JAK1: variants seen among roughly 807,000 people sequenced by gnomAD.
JAK1 encodes Janus kinase 1.
Under a neutral mutation model 136.6 loss-of-function variants are expected in JAK1, and 16 were observed. The ratio of observed to expected loss-of-function variants is 0.12; its 90% CI spans 0.08 to 0.18. The LOEUF (loss-of-function observed/expected upper bound fraction) is 0.18. Ranked by LOEUF, JAK1 falls within the 10% of genes least tolerant of loss-of-function variation. The pLI is 1.00. For synonymous variants in JAK1, 492 were observed against 519.5 expected, an observed-to-expected ratio of 0.95 and a Z score of 0.72; for missense variants, 859 against 1,450.1, an observed-to-expected ratio of 0.59 and a Z score of 6.62.
upstream of JAK1, among the ~76,000 whole-genome samples, chr1:64,969,420 C>T (rs1646430550): frequency 6.6e-6 from 1 of 151,112 alleles, no homozygotes; most frequent in Non-Finnish European, 1.5e-5. Flanking sequence ...CGCAACTCCC[C>T]ACCCTCCTCC....
At chr1:65,004,767 C>T (rs568369290) in intron 2 of JAK1, among the ~76,000 whole-genome samples, 2 of 152,312 alleles carry the variant, frequency 1.3e-5, no homozygotes, top group Non-Finnish European at 2.9e-5. Context: ...AGTACAACTT[C>T]TTATCCAGGA....
chr1:65,004,761 C>T lies in JAK1; in HGVS notation c.-78+39719G>A, dbSNP rs148810603. Among the ~76,000 whole-genome samples, 387 of 152,322 alleles carry T rather than the reference C, an allele frequency of 2.5e-3. 4 individuals are homozygous for T. The highest frequency in any genetic ancestry group is 4.1e-3 in the Admixed American group (62 of 15,302). ...TGGTTATAATAATATAATCCAAGTA[C>T]AACTTCTTATCCAGGAAGAAGCTGG... On this transcript the variant is annotated intron_variant, in intron 2 of 25. Transcript: ENST00000671954.
In JAK1 at chr1:64,839,756, C is replaced by T. The variant is rs1654769285; in HGVS notation, c.2689G>A (p.Glu897Lys). The stretch of plus-strand genomic sequence containing the variant: ...ACCTGCTCCCCTGTATTGTCCCCTT[C>T]GGGGTCATACCTGCAGAGCTCAACC... Reference protein sequence around the residue: ...GKVELCRYDPEGDNTGEQVAV... With the variant: ...GKVELCRYDPKGDNTGEQVAV... Residue 897 changes from glutamate to lysine, a missense_variant, in exon 20 of 25, where the codon GAA becomes AAA. This residue lies in a region of JAK1 where 409 missense variants were observed against 753.8 expected (regional missense o/e 0.54). Coordinates refer to ENST00000342505, the MANE Select transcript of JAK1 (RefSeq NM_002227.4). 4 of 1,613,916 alleles carry T rather than the reference C, an allele frequency of 2.5e-6. No individual in the cohort carries two copies. The highest frequency in any genetic ancestry group is 3.4e-6 in the Non-Finnish European group (4 of 1,179,874).
At chr1:64,951,063 GAACCAA>G (rs1646077759) in intron 1 of JAK1, among the ~76,000 whole-genome samples, 1 of 152,152 alleles carries the variant, frequency 6.6e-6, no homozygotes, top group South Asian at 2.1e-4. Context: ...TATAAACTCA[GAACCAA>G]ATATTCAGGT....
intron 2 of JAK1, among the ~76,000 whole-genome samples, chr1:65,038,662 A>T (rs1569926000): frequency 6.6e-6 from 1 of 151,342 alleles, no homozygotes; most frequent in Non-Finnish European, 1.5e-5. Context: ...GTTTTGAGAC[A>T]AGGTCTCACT....
chr1:64,837,817 C>A, intron 22 of JAK1, 115 bp downstream of exon 22: 1 of 820,976 alleles, frequency 1.2e-6, no homozygotes, highest in Non-Finnish European at 1.9e-6. Context: ...TAAACCTTCT[C>A]TAACCTTGAG....
At chr1:65,024,782 G>C (rs1239831217) in intron 2 of JAK1, among the ~76,000 whole-genome samples, 2 of 151,816 alleles carry the variant, frequency 1.3e-5, no homozygotes, top group African/African-American at 2.4e-5. Context: ...TTTGAGACCA[G>C]CCTGGCCAAC....
chr1:64,872,719 T>C, intron 5 of JAK1, among the ~76,000 whole-genome samples: 1 of 152,200 alleles, frequency 6.6e-6, no homozygotes, highest in East Asian at 1.9e-4. Flanking sequence ...CGAAGATCAA[T>C]ATTTTAATTG....
At chr1:64,953,761 G>A (rs1262076370) in intron 1 of JAK1, among the ~76,000 whole-genome samples, 1 of 152,130 alleles carries the variant, frequency 6.6e-6, no homozygotes, top group Non-Finnish European at 1.5e-5. Context: ...CCAGGTTCAT[G>A]CAATTCTCCC....
At chr1:65,060,035 C>T (rs1407537475) in intron 1 of JAK1, among the ~76,000 whole-genome samples, 1 of 151,936 alleles carries the variant, frequency 6.6e-6, no homozygotes, top group Non-Finnish European at 1.5e-5. Flanking sequence ...AACAACATTG[C>T]CTAAAATGCA....
intron 1 of JAK1, among the ~76,000 whole-genome samples, chr1:64,893,664 G>GT (rs773340452): frequency 2.6e-5 from 4 of 152,200 alleles, no homozygotes; most frequent in Non-Finnish European, 5.9e-5. Flanking sequence ...TCAGTTTTCT[G>GT]TGAGTATGCG....
intron 2 of JAK1, among the ~76,000 whole-genome samples, chr1:65,012,559 C>A (rs752112489): frequency 2.0e-5 from 3 of 152,168 alleles, no homozygotes; most frequent in Non-Finnish European, 4.4e-5. Context: ...ACTGAAGCCA[C>A]TTTTGCCCTG....
rs1396176522 is a variant in JAK1 at position 64,833,884 on chromosome 1, A to AATT, written c.*675_*677dup. 1 of 232,702 alleles carries AATT rather than the reference A, an allele frequency of 4.3e-6. No homozygotes were observed. Among genetic ancestry groups the AATT allele is most frequent in the African/African-American group, 2.2e-5 (1 of 45,322 alleles). 14.4% of individuals were successfully genotyped at this position (232,702 alleles called of 1,614,324 possible). A position where few individuals can be genotyped will look rare whatever the true frequency, so the allele number is the denominator to read the frequency against. On this transcript the variant is annotated 3_prime_UTR_variant, in exon 25 of 25. Transcript: ENST00000342505. The stretch of plus-strand genomic sequence containing the variant: ...AGTTCTTGAGAATTAACATGCAGCA[A>AATT]ATTATCTATTCCACAGCTATCCCCC...
intron 12 of JAK1, among the ~76,000 whole-genome samples, chr1:64,849,408 C>T (rs1655445945): frequency 6.6e-6 from 1 of 152,132 alleles, no homozygotes; most frequent in African/African-American, 2.4e-5. Flanking sequence ...GTTGCCCAGG[C>T]TGGTCTTGAA....
chr1:64,865,665 A>G (rs1311137738), intron 7 of JAK1, among the ~76,000 whole-genome samples: 1 of 152,242 alleles, frequency 6.6e-6, no homozygotes, highest in Non-Finnish European at 1.5e-5. Flanking sequence ...CTAACATAGT[A>G]TAATACCTAT....
intron 2 of JAK1, among the ~76,000 whole-genome samples, chr1:64,989,046 G>T (rs1319433879): frequency 2.2e-5 from 3 of 138,158 alleles, no homozygotes; most frequent in South Asian, 2.3e-4. Context: ...CAGAGATAAG[G>T]CTGGGCATGG....
At chr1:64,878,569 A>G (rs201886286) in intron 4 of JAK1, among the ~76,000 whole-genome samples, 2,218 of 30,844 alleles carry the variant, frequency 0.072, 34 homozygotes, top group South Asian at 0.18. Context: ...GTGTATATAT[A>G]TATATATATA....
intron 2 of JAK1, among the ~76,000 whole-genome samples, chr1:65,023,828 C>T (rs1646955865): frequency 6.6e-6 from 1 of 151,844 alleles, no homozygotes; most frequent in African/African-American, 2.4e-5. Flanking sequence ...AGTTTGCCTG[C>T]TCTGGGATTG....
At chr1:64,933,855 A>G (rs1645740898) in intron 1 of JAK1, among the ~76,000 whole-genome samples, 1 of 152,216 alleles carries the variant, frequency 6.6e-6, no homozygotes, top group Admixed American at 6.5e-5. Context: ...TTAAATTCAC[A>G]CTGTTTCATA....
Sources: gnomAD v4.1 joint callset for allele counts (sites outside exome capture counted in the v4.1 genomes callset) on GRCh38, gnomAD v4.1.1 for gene constraint, gnomAD v4.1.1 regional missense constraint, MANE v1.5 for transcripts, NCBI Gene and HGNC (gene_info 2026-07-23, HGNC 2026-07-21) for gene names.